Variants in OR4K1 observed in about 807,000 individuals in gnomAD.
The protein encoded by OR4K1 is olfactory receptor 4K1.
A neutral mutation model predicts 14.4 loss-of-function variants in OR4K1; 16 were observed. That is an observed-to-expected ratio of 1.11 (90% confidence interval 0.75 to 1.68). OR4K1 has a LOEUF of 1.68. Ranked by LOEUF, OR4K1 falls within the 40% of genes most tolerant of loss-of-function variation. The pLI is 0.00. For missense variants in OR4K1, 548 were observed against 376.9 expected (o/e 1.45, Z -3.76); for synonymous variants, 181 against 133.1 (o/e 1.36, Z -2.48).
rs769190846 is a variant in OR4K1 at position 19,936,189 on chromosome 14, G to A, written c.523G>A (p.Asp175Asn). The A allele has an allele frequency of 5.5e-5, 88 of 1,614,102 alleles. No individual in the cohort carries two copies. The highest frequency in any genetic ancestry group is 1.6e-4 in the Middle Eastern group (1 of 6,084). The change falls in exon 2 of 2, where the codon GAT (aspartate) becomes AAT (asparagine). Residue 175 changes from aspartate to asparagine, a missense_variant. Transcript: ENST00000641172. ...GCCATTCTGTGGTCCCAATGAGGTG[G>A]ATAGCTTCTTTTGTGACCTTCCCTT... The part of the protein sequence containing the change: ...DLPFCGPNEV[D>N]SFFCDLPLVI...
upstream of OR4K1, among the ~76,000 whole-genome samples, chr14:19,928,336 G>A (rs541804526): frequency 2.0e-4 from 31 of 152,140 alleles, no homozygotes; most frequent in African/African-American, 7.5e-4. Context: ...TGAATGTCTT[G>A]CTTCTATGGC....
At chr14:19,921,005 G>A in the OR4K1 span, 1 of 1,614,154 alleles carries the variant, frequency 6.2e-7, no homozygotes, top group East Asian at 2.2e-5. Flanking sequence ...TATACTATGT[G>A]GTCATCATGA....
chr14:19,934,673 A>C (rs548708959), intron 1 of OR4K1, among the ~76,000 whole-genome samples: 1 of 148,550 alleles, frequency 6.7e-6, no homozygotes, highest in Non-Finnish European at 1.5e-5. Context: ...TCTTCTTTTA[A>C]CATTTTTTTT....
chr14:19,934,753 C>A (rs1167585701), intron 1 of OR4K1, among the ~76,000 whole-genome samples: 1 of 151,766 alleles, frequency 6.6e-6, no homozygotes, highest in East Asian at 1.9e-4. Flanking sequence ...TCACTGCAAC[C>A]TCCGCCTCCC....
chr14:19,931,555 T>A (rs1362331877), intron 1 of OR4K1, among the ~76,000 whole-genome samples: 2 of 152,260 alleles, frequency 1.3e-5, no homozygotes, highest in African/African-American at 4.8e-5. Context: ...CAGTAGTATA[T>A]CCTTTATTGT....
intron 1 of OR4K1, 165 bp downstream of exon 1, chr14:19,931,310 A>C (rs12590266): frequency 0.064 from 9,634 of 151,438 alleles, 540 homozygotes; most frequent in East Asian, 0.47. Flanking sequence ...CCTGTTCTCC[A>C]CTTCTCTGTC....
chr14:19,928,354 A>G (rs890522369), upstream of OR4K1, among the ~76,000 whole-genome samples: 7 of 152,170 alleles, frequency 4.6e-5, no homozygotes, highest in East Asian at 9.6e-4. Context: ...GGCTAGAACT[A>G]TACTTCAGTT....
upstream of OR4K1, among the ~76,000 whole-genome samples, chr14:19,926,860 G>A (rs1399408616): frequency 1.3e-5 from 2 of 152,180 alleles, no homozygotes; most frequent in East Asian, 1.9e-4. Flanking sequence ...AATACTTTTA[G>A]GATTCCAGAA....
chr14:19,925,740 A>G, the OR4K1 span, among the ~76,000 whole-genome samples: 1 of 152,282 alleles, frequency 6.6e-6, no homozygotes, highest in African/African-American at 2.4e-5. Flanking sequence ...CAGACTTTAC[A>G]GAGAGACGGT....
At chr14:19,929,679 C>G (rs1315660221), upstream of OR4K1, among the ~76,000 whole-genome samples, 1 of 152,174 alleles carries the variant, frequency 6.6e-6, no homozygotes, top group Non-Finnish European at 1.5e-5. Flanking sequence ...TTTGATAGTA[C>G]ATTTAGAGAA....
chr14:19,928,912 C>A (rs1031406832), upstream of OR4K1, among the ~76,000 whole-genome samples: 7 of 152,082 alleles, frequency 4.6e-5, no homozygotes, highest in East Asian at 1.2e-3. Flanking sequence ...ATATATGTTG[C>A]ACATATTTTA....
chr14:19,923,308 T>C, the OR4K1 span, among the ~76,000 whole-genome samples: 5 of 152,368 alleles, frequency 3.3e-5, no homozygotes, highest in African/African-American at 1.2e-4. Flanking sequence ...TTTAATTTAC[T>C]ACAGTTTTAA....
At chr14:19,922,727 G>A in the OR4K1 span, among the ~76,000 whole-genome samples, 8 of 151,608 alleles carry the variant, frequency 5.3e-5, no homozygotes, top group Admixed American at 4.0e-4. Flanking sequence ...AGTCACAACA[G>A]CCACAATAAG....
chr14:19,934,987 T>C lies in OR4K1; in HGVS notation c.-19-661T>C, dbSNP rs371028101. ...CGTGCCTGGCCGCTTCTTTTGTTTC[T>C]TAAAATACTTCCAAGAACATTATGA... On this transcript the variant is annotated intron_variant, in intron 1 of 1. Coordinates refer to ENST00000641172, the MANE Select transcript of OR4K1 (RefSeq NM_001004063.3). Among the ~76,000 whole-genome samples, 262 of 152,326 alleles carry C rather than the reference T, an allele frequency of 1.7e-3. 1 individual carries two copies. The highest frequency in any genetic ancestry group is 6.1e-3 in the African/African-American group (255 of 41,560).
Position 19,936,391 on chromosome 14 carries a change from C to T in OR4K1, c.725C>T (p.Ala242Val). The T allele has an allele frequency of 6.2e-7, 1 of 1,614,232 alleles. No homozygotes were observed. The highest frequency in any genetic ancestry group is 1.1e-5 in the South Asian group (1 of 91,086). Residue 242 changes from alanine to valine, a missense_variant, in exon 2 of 2, where the codon GCC (alanine) becomes GTC (valine). Physicochemically the swap from Ala to Val is moderately conservative, Grantham distance 64. Transcript: ENST00000641172. ...GSSKALSTLT[A>V]HITVVILFFG... Reference sequence around the variant, plus strand: ...TCTAAGGCTCTTTCTACATTAACTGCCCACATCACAGTGGTCATTCTTTTC... The same window carrying T: ...TCTAAGGCTCTTTCTACATTAACTGTCCACATCACAGTGGTCATTCTTTTC...
At chr14:19,920,862 C>A in the OR4K1 span, 1 of 1,614,206 alleles carries the variant, frequency 6.2e-7, no homozygotes, top group Non-Finnish European at 8.5e-7. Context: ...TGCAGATTTT[C>A]TGAGTGCACA....
At position 19,936,517 on chromosome 14, in the gene OR4K1, C is replaced by G; in HGVS notation, c.851C>G (p.Pro284Arg). 6.2e-7 allele frequency: 1 copy of G among 1,613,718 alleles called. No homozygotes were observed. The highest frequency in any genetic ancestry group is 8.5e-7 in the Non-Finnish European group (1 of 1,179,980). The change falls in exon 2 of 2, where the codon CCC (proline) becomes CGC (arginine). Residue 284 changes from proline to arginine, a missense_variant. Coordinates refer to ENST00000641172, the MANE Select transcript of OR4K1 (RefSeq NM_001004063.3). ...FYTVCTPLLN[P>R]IIYSLRNEDV... is the part of the protein sequence containing the mutation. ...ACTGTTTGTACTCCCTTGTTGAACCCCATCATCTACTCTCTGAGGAATGAA... is the reference window on the plus strand; with the variant it reads ...ACTGTTTGTACTCCCTTGTTGAACCGCATCATCTACTCTCTGAGGAATGAA...
the OR4K1 span, among the ~76,000 whole-genome samples, chr14:19,925,583 G>C: frequency 6.6e-6 from 1 of 152,242 alleles, no homozygotes; most frequent in Non-Finnish European, 1.5e-5. Flanking sequence ...ACCCAGGGCA[G>C]ACTTTTATTT....
In OR4K1 at chr14:19,936,304, C is replaced by G. The variant is rs777592312; in HGVS notation, c.638C>G (p.Ala213Gly). The change falls in exon 2 of 2, where the codon GCT (alanine) becomes GGT (glycine). Residue 213 changes from alanine (A) to glycine (G), a missense_variant. Ala to Gly is a moderately conservative substitution (Grantham distance 60, BLOSUM62 0). Coordinates refer to ENST00000641172, the MANE Select transcript of OR4K1 (RefSeq NM_001004063.3). ...SGLISLSCFL[A>G]LIISYTIILI... ...CTGATATCATTGAGCTGTTTCCTGG[C>G]TTTAATTATTTCCTACACCATCATT... The G allele has an allele frequency of 1.9e-6, 3 of 1,614,128 alleles. No homozygotes were observed. In the African/African-American group the frequency reaches 4.0e-5, roughly 22 times the overall value.
Sources: gnomAD v4.1 joint callset for allele counts (sites outside exome capture counted in the v4.1 genomes callset) on GRCh38, gnomAD v4.1.1 for gene constraint, MANE v1.5 for transcripts, NCBI Gene and HGNC (gene_info 2026-07-23, HGNC 2026-07-21) for gene names.